Variants in STOX2 observed in about 807,000 individuals in gnomAD.
The protein encoded by STOX2 is storkhead-box protein 2.
STOX2 carries 28 observed loss-of-function variants against 60.9 expected under a neutral mutation model. The ratio of observed to expected loss-of-function variants is 0.46; its 90% CI spans 0.34 to 0.63. The LOEUF is 0.63. STOX2 is among the 30% of genes least tolerant of loss of function. The pLI is 0.01. For synonymous variants in STOX2, 472 were observed against 463.9 expected, an observed-to-expected ratio of 1.02 and a Z score of -0.22; for missense variants, 1,024 against 1,187.7, an observed-to-expected ratio of 0.86 and a Z score of 2.03.
At chr4:183,955,182 C>T (rs1743212064) in intron 1 of STOX2, among the ~76,000 whole-genome samples, 1 of 152,136 alleles carries the variant, frequency 6.6e-6, no homozygotes, top group African/African-American at 2.4e-5. Flanking sequence ...ATGTACTCAC[C>T]TCACCTCCCT....
intron 1 of STOX2, among the ~76,000 whole-genome samples, chr4:183,970,731 C>A (rs990244668): frequency 6.6e-6 from 1 of 152,232 alleles, no homozygotes; most frequent in Non-Finnish European, 1.5e-5. Context: ...GATTAAAATC[C>A]TCATTTGGGT....
intron 1 of STOX2, among the ~76,000 whole-genome samples, chr4:183,966,577 C>T (rs986685683): frequency 2.0e-5 from 3 of 152,190 alleles, no homozygotes; most frequent in South Asian, 2.1e-4. Context: ...ACTCAGGCTA[C>T]GCCACACATT....
At chr4:183,827,876 CAAAA>C (rs59675177) in intron 1 of STOX2, among the ~76,000 whole-genome samples, 24 of 99,234 alleles carry the variant, frequency 2.4e-4, no homozygotes, top group South Asian at 1.6e-3. Context: ...AATCCTGCCT[CAAAA>C]AAAAAAAAAA....
chr4:183,966,889 A>T (rs960211221), intron 1 of STOX2, among the ~76,000 whole-genome samples: 1 of 152,226 alleles, frequency 6.6e-6, no homozygotes. Context: ...CTGTCATTAA[A>T]ACTGTGACCT....
At chr4:183,822,579 G>C (rs1739326832) in intron 1 of STOX2, among the ~76,000 whole-genome samples, 1 of 152,204 alleles carries the variant, frequency 6.6e-6, no homozygotes, top group Non-Finnish European at 1.5e-5. Flanking sequence ...CACATGCGCA[G>C]TTCACAAAAG....
chr4:183,903,693 G>A (rs1040836128), upstream of STOX2, among the ~76,000 whole-genome samples: 3 of 152,196 alleles, frequency 2.0e-5, no homozygotes, highest in Non-Finnish European at 4.4e-5. Flanking sequence ...GGGAGGTACT[G>A]AGTAATTGTT....
chr4:183,839,021 G>GCACACA (rs571398047), intron 1 of STOX2, among the ~76,000 whole-genome samples: 29 of 151,436 alleles, frequency 1.9e-4, no homozygotes, highest in African/African-American at 5.4e-4. Context: ...GCACGCGCGC[G>GCACACA]CGCACACACA....
In STOX2 at chr4:183,825,913, G is replaced by A. The variant is rs188752244; in HGVS notation, c.364+27858G>A. The stretch of plus-strand genomic sequence containing the variant: ...AATGATGGGGAGAAGGCGCGAGAAG[G>A]GTCGTTGGCTGTGAGCTGAAAATCG... On this transcript the variant is annotated intron_variant, in intron 1 of 2. Coordinates refer to the STOX2 transcript ENST00000513034. This position sits in a 1 kb window ranked among gnomAD's most constrained non-coding sequence, Gnocchi z 4.1. Among the ~76,000 whole-genome samples the A allele has an allele frequency of 6.6e-6, 1 of 152,150 alleles. No homozygotes were observed. Among genetic ancestry groups the A allele is most frequent in the Non-Finnish European group, 1.5e-5 (1 of 68,026 alleles).
intron 3 of STOX2, chr4:184,015,807 G>T (rs1734346042): frequency 6.6e-6 from 1 of 152,220 alleles, no homozygotes; most frequent in Admixed American, 6.5e-5. Flanking sequence ...GCCTCATGCA[G>T]TGGATGTTTT....
chr4:183,971,852 C>T (rs770090076), intron 1 of STOX2, among the ~76,000 whole-genome samples: 3 of 152,172 alleles, frequency 2.0e-5, no homozygotes, highest in Admixed American at 6.5e-5. Flanking sequence ...CAAGAGGGAG[C>T]GTGTAGCTGA....
At chr4:183,807,001 C>T (rs944789093) in intron 1 of STOX2, among the ~76,000 whole-genome samples, 1 of 151,132 alleles carries the variant, frequency 6.6e-6, no homozygotes, top group Non-Finnish European at 1.5e-5. Flanking sequence ...GAGACGGAGT[C>T]TTGCTCTGTC....
chr4:183,876,382 C>G lies in STOX2; in HGVS notation c.364+78327C>G, dbSNP rs148122589. On this transcript the variant is annotated intron_variant, in intron 1 of 2. Transcript: ENST00000513034. ...TCCTTTCCTTTGGGGGAGATGCCAG[C>G]TTTGGCTCAGCCTCCTGGTTGGCTC... Among the ~76,000 whole-genome samples, 168 of 152,238 alleles carry G rather than the reference C, an allele frequency of 1.1e-3. 1 individual carries two copies. The highest frequency in any genetic ancestry group is 3.4e-3 in the African/African-American group (142 of 41,550).
chr4:183,954,661 A>T (rs1294059398), intron 1 of STOX2, among the ~76,000 whole-genome samples: 2 of 152,240 alleles, frequency 1.3e-5, no homozygotes, highest in Non-Finnish European at 2.9e-5. Flanking sequence ...TCAAAAATGC[A>T]CACACACATC....
intron 1 of STOX2, among the ~76,000 whole-genome samples, chr4:183,928,187 G>A (rs1434970406): frequency 1.4e-5 from 2 of 147,554 alleles, no homozygotes; most frequent in Non-Finnish European, 3.0e-5. Context: ...GTTCATTTGT[G>A]TCTTTCACGT....
chr4:184,009,771 G>A lies in STOX2; in HGVS notation c.933G>A (p.Glu311=). Residue 311 remains glutamate, a synonymous_variant, in exon 3 of 4, where the codon GAG becomes GAA. Coordinates refer to ENST00000308497, the MANE Select transcript of STOX2 (RefSeq NM_020225.3). This position sits in a 1 kb window ranked among gnomAD's most constrained non-coding sequence, Gnocchi z 4.0. ...CAGCTACGATCCCTCGGGAAGTAGA[G>A]ATGGAAATCATTAGGCGCATTAACC... ...DTPATIPREV[E]MEIIRRINPD... is the part of the protein sequence containing the mutation. 6.2e-7 allele frequency: 1 copy of A among 1,613,312 alleles called. No individual in the cohort carries two copies. Among genetic ancestry groups the A allele is most frequent in the Non-Finnish European group, 8.5e-7 (1 of 1,179,638 alleles).
At chr4:183,887,313 A>G (rs1328161378) in intron 1 of STOX2, among the ~76,000 whole-genome samples, 1 of 152,190 alleles carries the variant, frequency 6.6e-6, no homozygotes, top group Admixed American at 6.5e-5. Context: ...GGGACGTCAT[A>G]GCTAAGAGGA....
At chr4:183,933,789 A>ATACTATTTATTATACT (rs1742509076) in intron 1 of STOX2, among the ~76,000 whole-genome samples, 1 of 152,204 alleles carries the variant, frequency 6.6e-6, no homozygotes, top group South Asian at 2.1e-4. Flanking sequence ...TCCTGTTTTA[A>ATACTATTTATTATACT]AGAGCATTTA....
intron 1 of STOX2, among the ~76,000 whole-genome samples, chr4:183,995,410 A>G (rs767125567): frequency 3.3e-4 from 49 of 148,636 alleles, no homozygotes; most frequent in Non-Finnish European, 3.2e-4. Context: ...ATATTTCTTG[A>G]AAGGATGAAT....
At chr4:183,897,103 G>C (rs536228157) in intron 1 of STOX2, among the ~76,000 whole-genome samples, 77 of 152,264 alleles carry the variant, frequency 5.1e-4, no homozygotes, top group African/African-American at 1.9e-3. Context: ...GAGATGCACA[G>C]GGAAAATCTA....
Sources: gnomAD v4.1 joint callset for allele counts (sites outside exome capture counted in the v4.1 genomes callset) on GRCh38, gnomAD v4.1.1 for gene constraint, Gnocchi (gnomAD v3.1) non-coding constraint, MANE v1.5 for transcripts, NCBI Gene and HGNC (gene_info 2026-07-23, HGNC 2026-07-21) for gene names.